DPYD: variants seen among roughly 807,000 people sequenced by gnomAD.
DPYD encodes dihydropyrimidine dehydrogenase [NADP(+)].
A neutral mutation model predicts 116.2 loss-of-function variants in DPYD; 109 were observed. That is an observed-to-expected ratio of 0.94 (90% confidence interval 0.80 to 1.10). The LOEUF (loss-of-function observed/expected upper bound fraction) is 1.10, where lower values mean the gene tolerates loss of function less well. DPYD is among the 50% of genes least tolerant of loss of function. The probability of loss-of-function intolerance (pLI) is 0.00; values close to 1 mark genes in which losing one functional copy is unlikely to be tolerated. For synonymous variants in DPYD, 440 were observed against 432.0 expected, an observed-to-expected ratio of 1.02 and a Z score of -0.23; for missense variants, 1,302 against 1,254.5, an observed-to-expected ratio of 1.04 and a Z score of -0.57.
At chr1:97,719,435 A>G (rs1391730579) in intron 5 of DPYD, among the ~76,000 whole-genome samples, 1 of 151,974 alleles carries the variant, frequency 6.6e-6, no homozygotes, top group African/African-American at 2.4e-5. Flanking sequence ...GGTTGAAAAA[A>G]TAGATTTGTA....
chr1:97,911,640 CAT>C (rs1380034884), intron 1 of DPYD, among the ~76,000 whole-genome samples: 7 of 152,122 alleles, frequency 4.6e-5, no homozygotes, highest in African/African-American at 1.7e-4. Flanking sequence ...CATGCACACA[CAT>C]GACAACCCAT....
chr1:97,102,576 A>G (rs1425394783), intron 20 of DPYD, among the ~76,000 whole-genome samples: 1 of 150,506 alleles, frequency 6.6e-6, no homozygotes, highest in African/African-American at 2.4e-5. Context: ...TGTAAAGGAT[A>G]TCTAAAAGTT....
At chr1:97,417,903 T>TACAG (rs1314481737) in intron 14 of DPYD, among the ~76,000 whole-genome samples, 1 of 152,214 alleles carries the variant, frequency 6.6e-6, no homozygotes, top group African/African-American at 2.4e-5. Context: ...TCTAGATGGA[T>TACAG]ACAGACATAT....
chr1:97,689,126 C>T, intron 7 of DPYD, among the ~76,000 whole-genome samples: 2 of 142,034 alleles, frequency 1.4e-5, no homozygotes, highest in East Asian at 2.0e-4. Context: ...GAATAATGTA[C>T]AAATAACAAA....
At chr1:97,399,914 T>A (rs1425888807) in intron 14 of DPYD, among the ~76,000 whole-genome samples, 2 of 152,208 alleles carry the variant, frequency 1.3e-5, no homozygotes, top group African/African-American at 4.8e-5. Context: ...TTTGACTTAC[T>A]CTTTTCCTAA....
At chr1:97,617,370 A>G (rs1331986543) in intron 8 of DPYD, among the ~76,000 whole-genome samples, 1 of 152,214 alleles carries the variant, frequency 6.6e-6, no homozygotes, top group East Asian at 1.9e-4. Context: ...AAGAGTTACA[A>G]AACACTAAGC....
chr1:97,585,571 A>T (rs1464574980), intron 10 of DPYD, among the ~76,000 whole-genome samples: 1 of 152,206 alleles, frequency 6.6e-6, no homozygotes, highest in Non-Finnish European at 1.5e-5. Context: ...AAAAAATTTT[A>T]AAATTTTTTA....
At chr1:97,760,655 C>A (rs376763787) in intron 3 of DPYD, among the ~76,000 whole-genome samples, 1 of 151,934 alleles carries the variant, frequency 6.6e-6, no homozygotes, top group Non-Finnish European at 1.5e-5. Flanking sequence ...CCTTGGTGGA[C>A]GACTATAATG....
intron 13 of DPYD, among the ~76,000 whole-genome samples, chr1:97,491,756 G>A (rs917887210): frequency 6.6e-6 from 1 of 151,976 alleles, no homozygotes; most frequent in African/African-American, 2.4e-5. Flanking sequence ...TAATCATATT[G>A]TCTATTATAT....
intron 4 of DPYD, among the ~76,000 whole-genome samples, chr1:97,730,077 T>C (rs1050092412): frequency 6.6e-6 from 1 of 152,180 alleles, no homozygotes; most frequent in Non-Finnish European, 1.5e-5. Context: ...TGTTTGTTAA[T>C]ATATATTTGC....
intron 18 of DPYD, among the ~76,000 whole-genome samples, chr1:97,290,613 T>C (rs1453687147): frequency 1.3e-5 from 2 of 152,192 alleles, no homozygotes; most frequent in Non-Finnish European, 2.9e-5. Flanking sequence ...TAAATGGTTC[T>C]GGGAAAACTG....
chr1:97,118,107 A>G lies in DPYD; in HGVS notation c.2623-19475T>C, dbSNP rs528943097. The stretch of plus-strand genomic sequence containing the variant: ...GCTTGAGATTTCATTGTAATTGTAT[A>G]TATCTATTGATCTTTTCTTTTCAAA... On this transcript the variant is annotated intron_variant, in intron 20 of 22. Coordinates refer to ENST00000370192, the MANE Select transcript of DPYD (RefSeq NM_000110.4). Among the ~76,000 whole-genome samples, 6 of 152,204 alleles carry G rather than the reference A, an allele frequency of 3.9e-5. No homozygotes were observed. In the South Asian group the frequency reaches 6.2e-4, roughly 16 times the overall value.
intron 20 of DPYD, among the ~76,000 whole-genome samples, chr1:97,128,642 C>T (rs904272129): frequency 5.3e-5 from 8 of 152,122 alleles, no homozygotes; most frequent in Admixed American, 1.3e-4. Flanking sequence ...TTACGGGACT[C>T]GGGGAGGGAT....
chr1:97,114,524 T>C (rs564032280), intron 20 of DPYD, among the ~76,000 whole-genome samples: 2 of 152,270 alleles, frequency 1.3e-5, no homozygotes, highest in East Asian at 1.9e-4. Context: ...ATGAGTTAAA[T>C]ATTTGAAAGG....
At chr1:97,614,215 C>T (rs956942521) in intron 8 of DPYD, among the ~76,000 whole-genome samples, 4 of 151,680 alleles carry the variant, frequency 2.6e-5, no homozygotes, top group African/African-American at 7.3e-5. Context: ...TAGGATAACC[C>T]GAGATTTTAT....
rs116344830 is a variant in DPYD, at chr1:97,252,579, T to C, written c.2300-17585A>G. Among the ~76,000 whole-genome samples, 277 of 152,266 alleles carry C rather than the reference T, an allele frequency of 1.8e-3. 1 individual carries two copies. The highest frequency in any genetic ancestry group is 6.3e-3 in the African/African-American group (261 of 41,560). ...GCATCACAGATATGTTAAATCTAGT[T>C]ACAGAGGCAGAGCTAGAGCATGGTT... On this transcript the variant is annotated intron_variant, in intron 18 of 22. Coordinates refer to ENST00000370192, the MANE Select transcript of DPYD (RefSeq NM_000110.4).
intron 18 of DPYD, among the ~76,000 whole-genome samples, chr1:97,267,480 T>C (rs1319784893): frequency 1.3e-5 from 2 of 152,050 alleles, no homozygotes; most frequent in Non-Finnish European, 2.9e-5. Flanking sequence ...AAATCCAAGG[T>C]CAAGGGGCCT....
intron 13 of DPYD, among the ~76,000 whole-genome samples, chr1:97,481,141 A>G (rs1678271314): frequency 6.6e-6 from 1 of 152,224 alleles, no homozygotes; most frequent in Non-Finnish European, 1.5e-5. Flanking sequence ...GCACAGTTTC[A>G]TAGAAGAAGA....
chr1:97,772,330 T>C (rs1356180567), intron 3 of DPYD, among the ~76,000 whole-genome samples: 2 of 152,158 alleles, frequency 1.3e-5, no homozygotes, highest in African/African-American at 4.8e-5. Flanking sequence ...AACTCAGAAA[T>C]TGTACTTCTT....
Sources: gnomAD v4.1 joint callset for allele counts (sites outside exome capture counted in the v4.1 genomes callset) on GRCh38, gnomAD v4.1.1 for gene constraint, MANE v1.5 for transcripts, NCBI Gene and HGNC (gene_info 2026-07-23, HGNC 2026-07-21) for gene names.